Variants in HHAT observed in about 807,000 individuals in gnomAD.
HHAT encodes the protein hedgehog acyltransferase, also known as protein-cysteine N-palmitoyltransferase HHAT.
In HHAT, 47 loss-of-function variants were observed where a neutral mutation model predicts 70.8. That is an observed-to-expected ratio of 0.66 (90% confidence interval 0.53 to 0.85). The LOEUF (loss-of-function observed/expected upper bound fraction) is 0.85. Ranked by LOEUF, HHAT falls within the 40% of genes least tolerant of loss-of-function variation. HHAT has a pLI of 0.00. For missense variants in HHAT, 609 were observed against 604.8 expected (o/e 1.01, Z -0.07); for synonymous variants, 228 against 247.6 (o/e 0.92, Z 0.74).
intron 11 of HHAT, among the ~76,000 whole-genome samples, chr1:210,629,811 G>T (rs1670505949): frequency 6.7e-6 from 1 of 149,496 alleles, no homozygotes. Context: ...TTGTCTTGCT[G>T]TCTCCTCCTG....
At chr1:210,414,301 C>T (rs755355056) in intron 6 of HHAT, among the ~76,000 whole-genome samples, 3 of 152,130 alleles carry the variant, frequency 2.0e-5, no homozygotes, top group Non-Finnish European at 4.4e-5. Flanking sequence ...CTCCTAGTAC[C>T]GTCTCTTTGG....
chr1:210,642,166 T>C (rs1033151883), intron 11 of HHAT, among the ~76,000 whole-genome samples: 1 of 152,218 alleles, frequency 6.6e-6, no homozygotes, highest in African/African-American at 2.4e-5. Context: ...GGGACTGTAT[T>C]TCTCTTTTGT....
intron 6 of HHAT, among the ~76,000 whole-genome samples, chr1:210,412,096 T>C (rs1474165308): frequency 6.6e-6 from 1 of 152,182 alleles, no homozygotes; most frequent in Non-Finnish European, 1.5e-5. Context: ...GGAAGGGGTC[T>C]AACTCTTTGG....
chr1:210,601,504 A>G (rs1481545761), intron 10 of HHAT, among the ~76,000 whole-genome samples: 1 of 152,174 alleles, frequency 6.6e-6, no homozygotes, highest in Non-Finnish European at 1.5e-5. Flanking sequence ...CATTTTCTCC[A>G]GAAAATGGTA....
chr1:210,518,724 C>T (rs551139842), intron 9 of HHAT, among the ~76,000 whole-genome samples: 13 of 152,150 alleles, frequency 8.5e-5, no homozygotes, highest in Non-Finnish European at 1.6e-4. Flanking sequence ...ACCTGGGAGG[C>T]GGAGGTTGCA....
At chr1:210,385,580 A>G (rs2090983633) in intron 3 of HHAT, among the ~76,000 whole-genome samples, 2 of 152,250 alleles carry the variant, frequency 1.3e-5, no homozygotes, top group South Asian at 4.1e-4. Context: ...CATGATTTCC[A>G]GCAAGGGACA....
intron 1 of HHAT, among the ~76,000 whole-genome samples, chr1:210,330,207 C>T (rs953785002): frequency 6.6e-6 from 1 of 152,144 alleles, no homozygotes; most frequent in African/African-American, 2.4e-5. Context: ...TTCCATTTTC[C>T]CTGTGATTTT....
intron 9 of HHAT, among the ~76,000 whole-genome samples, chr1:210,524,310 C>T (rs147959866): frequency 6.6e-6 from 1 of 152,242 alleles, no homozygotes; most frequent in Non-Finnish European, 1.5e-5. Flanking sequence ...CTGTCATTCC[C>T]TTGATGTGAT....
At chr1:210,605,012 TCAA>T (rs66718127) in intron 10 of HHAT, among the ~76,000 whole-genome samples, 126,584 of 150,646 alleles carry the variant, frequency 0.84, 54,119 homozygotes, top group South Asian at 0.95. Flanking sequence ...TGGGCAAGAC[TCAA>T]CAACAACAAC....
At position 210,349,004 on chromosome 1, in the gene HHAT, A is replaced by G; in HGVS notation, c.29A>G (p.Tyr10Cys). The change falls in exon 2 of 12, where the codon TAC (tyrosine) becomes TGC (cysteine). Residue 10 changes from tyrosine to cysteine, a missense_variant. Coordinates refer to ENST00000261458, the MANE Select transcript of HHAT (RefSeq NM_018194.6). ...CTGCCCCGATGGGAACTGGCACTTT[A>G]CCTACTTGCCTCACTAGGCTTCCAC... is the stretch of plus-strand genomic sequence containing the variant. MLPRWELAL[Y>C]LLASLGFHFY... 6.2e-7 allele frequency: 1 copy of G among 1,614,060 alleles called. No individual in the cohort carries two copies. The highest frequency in any genetic ancestry group is 8.5e-7 in the Non-Finnish European group (1 of 1,179,970).
At chr1:210,347,784 C>CCT (rs2086652640) in intron 1 of HHAT, among the ~76,000 whole-genome samples, 1 of 152,098 alleles carries the variant, frequency 6.6e-6, no homozygotes, top group African/African-American at 2.4e-5. Context: ...GACTGAGAGG[C>CCT]CTCTGTCTTG....
chr1:210,666,782 C>T (rs548477137), intron 11 of HHAT, among the ~76,000 whole-genome samples: 3 of 152,024 alleles, frequency 2.0e-5, no homozygotes, highest in African/African-American at 4.8e-5. Context: ...CCATGCCTGG[C>T]CTACCATCAT....
chr1:210,374,313 C>A (rs568458276), intron 3 of HHAT: 1 of 152,322 alleles, frequency 6.6e-6, no homozygotes, highest in Non-Finnish European at 1.5e-5. Context: ...ACCGCAACTC[C>A]TAGTACGCCG....
intron 11 of HHAT, among the ~76,000 whole-genome samples, chr1:210,659,068 G>A (rs1263569923): frequency 6.7e-6 from 1 of 149,022 alleles, no homozygotes; most frequent in East Asian, 1.9e-4. Context: ...GCTAGCAGAA[G>A]GCAAGAAATA....
At chr1:210,466,146 C>CAATT (rs2094103363) in intron 8 of HHAT, among the ~76,000 whole-genome samples, 1 of 149,668 alleles carries the variant, frequency 6.7e-6, no homozygotes. Flanking sequence ...TGCAAGGAAT[C>CAATT]GCAAGGAATT....
chr1:210,388,164 G>C (rs2148145817), intron 4 of HHAT, among the ~76,000 whole-genome samples: 1 of 152,280 alleles, frequency 6.6e-6, no homozygotes, highest in South Asian at 2.1e-4. Flanking sequence ...CTGTCACCTG[G>C]GGGCCAGGGT....
chr1:210,517,543 A>G lies in HHAT; in HGVS notation c.1043+4355A>G, dbSNP rs1359671029. On this transcript the variant is annotated intron_variant, in intron 9 of 11. Transcript: ENST00000261458. ...TGGAAACAGTAGAATGGTAGCTACC[A>G]AGGTCTGGGAGTAGGGACTGAAGAA... is the stretch of plus-strand genomic sequence containing the variant. 2.0e-5 allele frequency among the ~76,000 whole-genome samples: 3 copies of G among 152,334 alleles called. No homozygotes were observed. In the East Asian group the frequency reaches 5.8e-4, roughly 29 times the overall value.
At chr1:210,595,489 G>C (rs1205204111) in intron 10 of HHAT, among the ~76,000 whole-genome samples, 1 of 152,210 alleles carries the variant, frequency 6.6e-6, no homozygotes, top group Non-Finnish European at 1.5e-5. Context: ...CCAGTAATGG[G>C]ATGGCTGGGT....
chr1:210,380,227 A>T (rs1254391077), intron 3 of HHAT, among the ~76,000 whole-genome samples: 1 of 152,220 alleles, frequency 6.6e-6, no homozygotes, highest in Non-Finnish European at 1.5e-5. Flanking sequence ...GTGGAGAGAC[A>T]GCTCAGTAAC....
Sources: gnomAD v4.1 joint callset for allele counts (sites outside exome capture counted in the v4.1 genomes callset) on GRCh38, gnomAD v4.1.1 for gene constraint, MANE v1.5 for transcripts, NCBI Gene and HGNC (gene_info 2026-07-23, HGNC 2026-07-21) for gene names.